The following LARS2 variants were observed in gnomAD, a reference collection of about 807,000 sequenced individuals.
LARS2 encodes the protein leucyl-tRNA synthetase 2, mitochondrial, also known as leucine--tRNA ligase, mitochondrial.
LARS2 carries 81 observed loss-of-function variants against 116.6 expected under a neutral mutation model. That is an observed-to-expected ratio of 0.69 (90% CI 0.58 to 0.84). LARS2 has a LOEUF of 0.84. Ranked by LOEUF, LARS2 falls within the 40% of genes least tolerant of loss-of-function variation. LARS2 has a pLI of 0.00. For synonymous variants in LARS2, 396 were observed against 407.2 expected (o/e 0.97, Z 0.33); for missense variants, 968 against 1,114.5 (o/e 0.87, Z 1.87).
At chr3:45,392,479 G>A (rs927250339) in intron 2 of LARS2, among the ~76,000 whole-genome samples, 14 of 152,002 alleles carry the variant, frequency 9.2e-5, no homozygotes, top group African/African-American at 3.4e-4. Context: ...ATTTTTAGTA[G>A]AGAAGGGGTT....
At chr3:45,419,460 T>C (rs1698481487) in intron 5 of LARS2, among the ~76,000 whole-genome samples, 1 of 152,260 alleles carries the variant, frequency 6.6e-6, no homozygotes, top group Non-Finnish European at 1.5e-5. Context: ...TAGTGGATTC[T>C]GTATATGTCC....
At chr3:45,492,514 T>C (rs1699938892) in intron 13 of LARS2, among the ~76,000 whole-genome samples, 1 of 152,214 alleles carries the variant, frequency 6.6e-6, no homozygotes, top group Admixed American at 6.5e-5. Context: ...ATTCTGCCAG[T>C]ATAGAGCTGA....
chr3:45,421,921 G>A (rs867328414), intron 6 of LARS2: 2 of 152,196 alleles, frequency 1.3e-5, no homozygotes, highest in Non-Finnish European at 1.5e-5. Context: ...ACTGGGAGCC[G>A]AGGCTCAGTT....
chr3:45,547,423 T>A lies in LARS2; in HGVS notation c.2605T>A (p.Phe869Ile), dbSNP rs1279020614. The change falls in exon 22 of 22, where the codon TTT becomes ATT. Residue 869 changes from phenylalanine (F) to isoleucine (I), a missense_variant. Coordinates refer to ENST00000645846, the MANE Select transcript of LARS2 (RefSeq NM_015340.4). The part of the protein sequence containing the change: ...VARDQDKVHE[F>I]VLQSELGVRL... ...CCGGGACCAGGACAAAGTCCACGAA[T>A]TTGTTCTTCAAAGCGAGCTGGGTGT... The A allele has an allele frequency of 6.2e-7, 1 of 1,613,970 alleles. No homozygotes were observed. Among genetic ancestry groups the A allele is most frequent in the South Asian group, 1.1e-5 (1 of 91,030 alleles).
At chr3:45,512,436 A>G (rs1222939656) in intron 15 of LARS2, among the ~76,000 whole-genome samples, 1 of 152,244 alleles carries the variant, frequency 6.6e-6, no homozygotes, top group Non-Finnish European at 1.5e-5. Context: ...CTTATGAGAA[A>G]AAGTTTATAT....
chr3:45,540,148 A>G lies in LARS2; in HGVS notation c.2405-1681A>G, dbSNP rs59979359. 3.7e-3 allele frequency among the ~76,000 whole-genome samples: 561 copies of G among 152,032 alleles called. 2 individuals are homozygous for G. The highest frequency in any genetic ancestry group is 0.012 in the African/African-American group (506 of 41,452). ...GTGGCAGGCGCCTGTAACCCCAGCT[A>G]CTCAGGAGGCTGAGGCAGGAGAATC... On this transcript the variant is annotated intron_variant, in intron 20 of 21. Transcript: ENST00000645846.
intron 12 of LARS2, among the ~76,000 whole-genome samples, chr3:45,490,658 T>C (rs1390952354): frequency 1.3e-5 from 2 of 152,212 alleles, no homozygotes; most frequent in Non-Finnish European, 2.9e-5. Flanking sequence ...GCCTCTTGAC[T>C]GTAAGCTCCT....
chr3:45,516,150 ATGAG>A lies in LARS2; in HGVS notation c.1920_1923del (p.Met640IlefsTer40). ...GAAGTTAGAGGTGACGTGGGAGAAGATGAGTAAGTCCAAACACAACGGGGTGGAC... is the reference window on the plus strand; with the variant it reads ...GAAGTTAGAGGTGACGTGGGAGAAGATAAGTCCAAACACAACGGGGTGGAC... On this transcript the variant is annotated frameshift_variant, in exon 17 of 22. Coordinates refer to ENST00000645846, the MANE Select transcript of LARS2 (RefSeq NM_015340.4). LOFTEE classifies it high-confidence loss of function. The A allele has an allele frequency of 6.2e-7, 1 of 1,614,240 alleles. No homozygotes were observed. The highest frequency in any genetic ancestry group is 8.5e-7 in the Non-Finnish European group (1 of 1,180,038).
intron 4 of LARS2, among the ~76,000 whole-genome samples, chr3:45,415,511 A>G (rs1011377993): frequency 6.6e-6 from 1 of 152,164 alleles, no homozygotes; most frequent in African/African-American, 2.4e-5. Flanking sequence ...AACCTTTCTT[A>G]TACCAAAAGC....
At chr3:45,522,024 T>C (rs1259611980) in intron 19 of LARS2, among the ~76,000 whole-genome samples, 1 of 152,186 alleles carries the variant, frequency 6.6e-6, no homozygotes, top group Non-Finnish European at 1.5e-5. Flanking sequence ...GAGGATCCCT[T>C]GAGCCCAGGA....
chr3:45,528,154 T>A (rs1306635169), intron 20 of LARS2, among the ~76,000 whole-genome samples: 1 of 151,996 alleles, frequency 6.6e-6, no homozygotes, highest in Admixed American at 6.5e-5. Context: ...TTGGGCAACA[T>A]AGGGAGACCC....
rs376300134 is a variant in LARS2, at chr3:45,394,705, T to G, written c.234+18T>G. ...AAGCTGATGTGAGTATTCTGAGAGATTCTAAGAGGGTAGAGAAGAGGGGTT... is the reference window on the plus strand; with the variant it reads ...AAGCTGATGTGAGTATTCTGAGAGAGTCTAAGAGGGTAGAGAAGAGGGGTT... On this transcript the variant is annotated intron_variant, in intron 3 of 21. Coordinates refer to ENST00000645846, the MANE Select transcript of LARS2 (RefSeq NM_015340.4). The G allele has an allele frequency of 1.6e-5, 25 of 1,563,956 alleles. No individual in the cohort carries two copies. The African/African-American group carries it at 3.3e-4, about 20-fold the overall frequency.
intron 8 of LARS2, among the ~76,000 whole-genome samples, chr3:45,469,402 A>G (rs542781218): frequency 3.9e-4 from 60 of 152,092 alleles, no homozygotes; most frequent in South Asian, 1.0e-3. Flanking sequence ...CTGGAGTACA[A>G]TTGCACTATC....
At chr3:45,515,947 G>A in intron 16 of LARS2, 147 bp from the exon 17 acceptor site, 1 of 602,954 alleles carries the variant, frequency 1.7e-6, no homozygotes. Context: ...AATACAGAGG[G>A]AGAGAAAGCG....
At chr3:45,421,343 C>T (rs1326139052) in intron 6 of LARS2, 2 of 152,092 alleles carry the variant, frequency 1.3e-5, no homozygotes, top group African/African-American at 4.8e-5. Flanking sequence ...ATATCCCAGA[C>T]CTAGTTAGAT....
chr3:45,397,643 A>T (rs1486882352), intron 3 of LARS2, among the ~76,000 whole-genome samples: 1 of 152,236 alleles, frequency 6.6e-6, no homozygotes, highest in Non-Finnish European at 1.5e-5. Context: ...TCAAATGAAA[A>T]ACTAGAAACA....
At chr3:45,536,233 C>T (rs981876565) in intron 20 of LARS2, among the ~76,000 whole-genome samples, 3 of 152,242 alleles carry the variant, frequency 2.0e-5, no homozygotes, top group South Asian at 2.1e-4. Flanking sequence ...GTGATCCTCC[C>T]GCCTCAGCCT....
chr3:45,413,611 CT>C (rs1559460453), intron 4 of LARS2, among the ~76,000 whole-genome samples: 1 of 152,242 alleles, frequency 6.6e-6, no homozygotes, highest in Non-Finnish European at 1.5e-5. Context: ...TTAGCATTTC[CT>C]GTGCACTAGC....
chr3:45,549,124 G>A lies in LARS2; in HGVS notation c.*1594G>A, dbSNP rs1404449125. 1 of 152,206 alleles carries A rather than the reference G, an allele frequency of 6.6e-6. No individual in the cohort carries two copies. The highest frequency in any genetic ancestry group is 1.5e-5 in the Non-Finnish European group (1 of 68,050). 9.4% of individuals were successfully genotyped at this position (152,206 alleles called of 1,614,324 possible). A position where few individuals can be genotyped will look rare whatever the true frequency, so the allele number is the denominator to read the frequency against. On this transcript the variant is annotated 3_prime_UTR_variant, in exon 22 of 22. Coordinates refer to ENST00000645846, the MANE Select transcript of LARS2 (RefSeq NM_015340.4). The stretch of plus-strand genomic sequence containing the variant: ...GATATTCCAATTTAATTGGTCCATG[G>A]TGTGGCTTGAACACCAGGAATCTTT...
Sources: gnomAD v4.1 joint callset for allele counts (sites outside exome capture counted in the v4.1 genomes callset) on GRCh38, gnomAD v4.1.1 for gene constraint, MANE v1.5 for transcripts, NCBI Gene and HGNC (gene_info 2026-07-23, HGNC 2026-07-21) for gene names.